The following CDYL variants were observed in gnomAD, a reference collection of about 807,000 sequenced individuals.
The protein encoded by CDYL is chromodomain Y-like protein.
Under a neutral mutation model 47.3 loss-of-function variants are expected in CDYL, and 8 were observed. The observed-to-expected ratio is 0.17, with a 90% CI of 0.10 to 0.31. The LOEUF (loss-of-function observed/expected upper bound fraction) is 0.31, where lower values mean the gene tolerates loss of function less well. CDYL is among the 10% of genes least tolerant of loss of function. The pLI is 1.00. For missense variants in CDYL, 471 were observed against 701.4 expected (o/e 0.67, Z 3.71); for synonymous variants, 266 against 265.0 (o/e 1.00, Z -0.04).
At chr6:4,859,766 GCTCC>G (rs1416175548) in intron 1 of CDYL, among the ~76,000 whole-genome samples, 1 of 152,096 alleles carries the variant, frequency 6.6e-6, no homozygotes, top group African/African-American at 2.4e-5. Context: ...AGCTCTCCTG[GCTCC>G]CTGTGCTGGT....
intron 4 of CDYL, among the ~76,000 whole-genome samples, chr6:4,938,573 C>T (rs1758273063): frequency 6.6e-6 from 1 of 152,186 alleles, no homozygotes; most frequent in South Asian, 2.1e-4. Context: ...CACATACTTA[C>T]TATTTTGTGT....
chr6:4,877,270 T>C (rs1761646216), intron 1 of CDYL, among the ~76,000 whole-genome samples: 1 of 152,258 alleles, frequency 6.6e-6, no homozygotes, highest in East Asian at 1.9e-4. Flanking sequence ...TTTTTCTTAT[T>C]TATTCTGTCC....
rs72821451 is a variant in CDYL at position 4,836,492 on chromosome 6, C to G, written c.25-55221C>G. On this transcript the variant is annotated intron_variant, in intron 1 of 6. Coordinates refer to ENST00000397588, the MANE Select transcript of CDYL (RefSeq NM_004824.4). ...TTCCTTCCTGTGATACCACTTGCCA[C>G]TGTGTGTCCATTCGAGAGCATGGCT... 0.022 allele frequency among the ~76,000 whole-genome samples: 3,319 copies of G among 152,264 alleles called. 64 individuals are homozygous for G. Among genetic ancestry groups the G allele is most frequent in the Non-Finnish European group, 0.028 (1,934 of 68,022 alleles).
At chr6:4,945,354 A>G (rs1301843870) in intron 5 of CDYL, among the ~76,000 whole-genome samples, 1 of 152,188 alleles carries the variant, frequency 6.6e-6, no homozygotes, top group African/African-American at 2.4e-5. Context: ...AAGGAATACA[A>G]GAGAGGAGGA....
At chr6:4,797,888 T>C (rs1259441076) in intron 1 of CDYL, among the ~76,000 whole-genome samples, 2 of 152,252 alleles carry the variant, frequency 1.3e-5, no homozygotes, top group African/African-American at 2.4e-5. Context: ...TGAGCATTCA[T>C]GTAGAAGTTT....
chr6:4,937,431 G>C (rs991740727), intron 3 of CDYL, 134 bp from the exon 4 acceptor site: 39 of 589,708 alleles, frequency 6.6e-5, no homozygotes, highest in Non-Finnish European at 9.8e-5. Flanking sequence ...AGGAGTTAGA[G>C]AGCACAGTGA....
At chr6:4,744,618 C>T (rs1342544482) in intron 3 of CDYL, among the ~76,000 whole-genome samples, 1 of 152,188 alleles carries the variant, frequency 6.6e-6, no homozygotes, top group African/African-American at 2.4e-5. Flanking sequence ...TCACTGTGTG[C>T]CAGGCAGTGT....
intron 3 of CDYL, among the ~76,000 whole-genome samples, chr6:4,754,776 T>C (rs1247894140): frequency 6.6e-6 from 1 of 152,218 alleles, no homozygotes; most frequent in Non-Finnish European, 1.5e-5. Flanking sequence ...AATCCATTCT[T>C]GAATGTCATA....
chr6:4,757,802 C>T lies in CDYL; in HGVS notation c.186+22958C>T, dbSNP rs188875502. Among the ~76,000 whole-genome samples the T allele has an allele frequency of 1.5e-3, 233 of 151,198 alleles. 1 individual carries two copies. The highest frequency in any genetic ancestry group is 7.0e-3 in the Middle Eastern group (2 of 286). On this transcript the variant is annotated intron_variant, in intron 3 of 8. Coordinates refer to the CDYL transcript ENST00000328908. The stretch of plus-strand genomic sequence containing the variant: ...CTGTAATCCCAGCACTGTGGGAGGC[C>T]GAGGCAGGAGGATTACTTGAGCCTA...
intron 5 of CDYL, among the ~76,000 whole-genome samples, chr6:4,948,486 T>C (rs975149590): frequency 6.6e-6 from 1 of 152,080 alleles, no homozygotes; most frequent in Admixed American, 6.6e-5. Flanking sequence ...CCCCTGGAGA[T>C]GTACTGGTGC....
intron 1 of CDYL, among the ~76,000 whole-genome samples, chr6:4,810,490 A>T (rs1271394726): frequency 6.6e-6 from 1 of 152,180 alleles, no homozygotes; most frequent in African/African-American, 2.4e-5. Context: ...TGGACCTGAG[A>T]CTTTGCCTCC....
intron 1 of CDYL, among the ~76,000 whole-genome samples, chr6:4,805,419 C>T (rs1759342315): frequency 6.6e-6 from 1 of 152,190 alleles, no homozygotes; most frequent in African/African-American, 2.4e-5. Flanking sequence ...GCGGAAATTT[C>T]ATAGAATTGT....
At chr6:4,738,696 G>C (rs1757744968) in intron 3 of CDYL, among the ~76,000 whole-genome samples, 1 of 152,176 alleles carries the variant, frequency 6.6e-6, no homozygotes, top group Admixed American at 6.5e-5. Flanking sequence ...TTGTACATGT[G>C]TGCAAAGAGA....
intron 5 of CDYL, among the ~76,000 whole-genome samples, chr6:4,944,369 G>A (rs1447764655): frequency 6.6e-6 from 1 of 152,212 alleles, no homozygotes; most frequent in Non-Finnish European, 1.5e-5. Flanking sequence ...GAAGGAAGCA[G>A]GACCGCACAG....
chr6:4,787,241 G>A (rs1758778698), intron 1 of CDYL, among the ~76,000 whole-genome samples: 1 of 32,368 alleles, frequency 3.1e-5, no homozygotes, highest in Non-Finnish European at 5.5e-5. Flanking sequence ...CAAAGAAGTA[G>A]GAGTGTGTGT....
intron 1 of CDYL, among the ~76,000 whole-genome samples, chr6:4,784,657 G>A (rs776911535): frequency 1.3e-5 from 2 of 152,150 alleles, no homozygotes; most frequent in Non-Finnish European, 2.9e-5. Context: ...TTGGTCTTAC[G>A]ATGGTGGTCC....
In CDYL at chr6:4,810,113, G is replaced by C. The variant is rs1182280426; in HGVS notation, c.24+33306G>C. On this transcript the variant is annotated intron_variant, in intron 1 of 6. Coordinates refer to ENST00000397588, the MANE Select transcript of CDYL (RefSeq NM_004824.4). ...CCGTTGGCTTTTGACTTTGATCTTGGTGTATGTGTGTGTGTTTATTTTTGC... is the reference window on the plus strand; with the variant it reads ...CCGTTGGCTTTTGACTTTGATCTTGCTGTATGTGTGTGTGTTTATTTTTGC... 2.0e-5 allele frequency among the ~76,000 whole-genome samples: 3 copies of C among 152,068 alleles called. No individual in the cohort carries two copies. The East Asian group carries it at 5.8e-4, about 29-fold the overall frequency.
chr6:4,880,472 A>AT (rs1761735085), intron 1 of CDYL, among the ~76,000 whole-genome samples: 1 of 152,196 alleles, frequency 6.6e-6, no homozygotes, highest in South Asian at 2.1e-4. Context: ...AGTTTTGGCT[A>AT]TTATGAGTAA....
intron 2 of CDYL, chr6:4,734,656 G>C: frequency 6.8e-7 from 1 of 1,473,988 alleles, no homozygotes; most frequent in Non-Finnish European, 9.2e-7. Context: ...TCAGGAAGGG[G>C]AGGGCACAGG....
Sources: gnomAD v4.1 joint callset for allele counts (sites outside exome capture counted in the v4.1 genomes callset) on GRCh38, gnomAD v4.1.1 for gene constraint, MANE v1.5 for transcripts, NCBI Gene and HGNC (gene_info 2026-07-23, HGNC 2026-07-21) for gene names.